GCN1: variants seen among roughly 807,000 people sequenced by gnomAD.
GCN1 encodes the protein GCN1 activator of EIF2AK4.
GCN1 carries 90 observed loss-of-function variants against 288.4 expected under a neutral mutation model. The ratio of observed to expected loss-of-function variants is 0.31; its 90% CI spans 0.26 to 0.37. The LOEUF is 0.37. GCN1 is among the 10% of genes least tolerant of loss of function. The pLI is 1.00. For synonymous variants in GCN1, 1,386 were observed against 1,420.2 expected (o/e 0.98, Z 0.54); for missense variants, 2,586 against 3,419.9 (o/e 0.76, Z 6.08).
At chr12:120,151,500 C>A in intron 33 of GCN1, 109 bp from the exon 34 acceptor site, 1 of 1,154,260 alleles carries the variant, frequency 8.7e-7, no homozygotes. Context: ...TCCCAAGCCC[C>A]ATCTCAGCCA....
rs571844726 is a variant in GCN1, at chr12:120,187,899, A to C, written c.121+2399T>G. On this transcript the variant is annotated intron_variant, in intron 2 of 57. Transcript: ENST00000300648. ...TACCAAAAGAAATGAAAAAAAAAAA[A>C]AACAAAAAACTAGAATTTATTGAGT... 2.3e-4 allele frequency among the ~76,000 whole-genome samples: 35 copies of C among 152,086 alleles called. 1 individual carries two copies. Among genetic ancestry groups the C allele is most frequent in the Admixed American group, 9.2e-4 (14 of 15,280 alleles).
chr12:120,139,321 T>TA (rs1213199626), intron 45 of GCN1, among the ~76,000 whole-genome samples: 1 of 151,234 alleles, frequency 6.6e-6, no homozygotes, highest in African/African-American at 2.4e-5. Context: ...CTAAAAATTT[T>TA]AAAAAAATTA....
intron 51 of GCN1, among the ~76,000 whole-genome samples, chr12:120,135,402 T>C (rs1876968241): frequency 6.6e-6 from 1 of 152,110 alleles, no homozygotes; most frequent in Admixed American, 6.5e-5. Flanking sequence ...TTCGCTCTTG[T>C]TGCCCAGGCT....
rs150702627 is a variant in GCN1 at position 120,136,848 on chromosome 12, G to C, written c.6778-116C>G. The C allele has an allele frequency of 4.7e-5, 34 of 719,816 alleles. No homozygotes were observed. The East Asian group carries it at 9.2e-4, about 20-fold the overall frequency. The allele number at this position is 719,816 out of a possible 1,614,324, so 44.6% of individuals were successfully genotyped here. A position where few individuals can be genotyped will look rare whatever the true frequency, so the allele number is the denominator to read the frequency against. ...TCCCCTCAACTCCATGGGAGATATT[G>C]ATTTGGGCTGAATCTCAGGATCACA... On this transcript the variant is annotated intron_variant, in intron 50 of 57. Transcript: ENST00000300648.
At chr12:120,141,116 G>T in intron 44 of GCN1, 93 bp from the exon 45 acceptor site, 1 of 1,032,126 alleles carries the variant, frequency 9.7e-7, no homozygotes, top group Non-Finnish European at 1.4e-6. Context: ...AAACCTCCCA[G>T]GCTTTATCTG....
At position 120,137,641 on chromosome 12, in the gene GCN1, G is replaced by A; in HGVS notation, c.6567C>T (p.His2189=). ...CSRSKADYTS[H]LRSLVSGLIR... ...TCAGGCCCGAGACCAGGCTCCGCAG[G>A]TGGCTGGTGTAGTCAGCCTTTGAGC... The change falls in exon 49 of 58, where the codon CAC becomes CAT. Residue 2189 remains histidine, a synonymous_variant. Transcript: ENST00000300648. The surrounding 1 kb of genome is among the most constrained non-coding windows in gnomAD (Gnocchi z 5.2). 2 of 1,614,200 alleles carry A rather than the reference G, an allele frequency of 1.2e-6. No homozygotes were observed. Among genetic ancestry groups the A allele is most frequent in the Non-Finnish European group, 1.7e-6 (2 of 1,180,022 alleles).
intron 2 of GCN1, among the ~76,000 whole-genome samples, chr12:120,188,678 T>G (rs547124244): frequency 8.5e-4 from 129 of 151,954 alleles, no homozygotes; most frequent in Non-Finnish European, 1.3e-3. Flanking sequence ...TGAAACCCTG[T>G]CTCTACTAAA....
chr12:120,163,893 TAGG>T (rs908208045), intron 18 of GCN1, among the ~76,000 whole-genome samples: 3 of 152,088 alleles, frequency 2.0e-5, no homozygotes, highest in African/African-American at 7.2e-5. Context: ...GAAGCCGAGG[TAGG>T]AGGATCACTT....
chr12:120,129,088 C>G lies in GCN1; in HGVS notation c.7890+188G>C, dbSNP rs200142857. ...TGGTGATCTGCCCGCCTCAGCCTCCCAAAGTGCTGGGATTACAGGCGCGAG... is the reference window on the plus strand; with the variant it reads ...TGGTGATCTGCCCGCCTCAGCCTCCGAAAGTGCTGGGATTACAGGCGCGAG... On this transcript the variant is annotated intron_variant, in intron 57 of 57. Coordinates refer to ENST00000300648, the MANE Select transcript of GCN1 (RefSeq NM_006836.2). Among the ~76,000 whole-genome samples the G allele has an allele frequency of 4.1e-4, 63 of 151,862 alleles. No homozygotes were observed. The East Asian group carries it at 0.011, about 28-fold the overall frequency.
intron 33 of GCN1, among the ~76,000 whole-genome samples, chr12:120,152,658 CAA>C (rs1877603757): frequency 1.5e-5 from 2 of 136,354 alleles, no homozygotes; most frequent in African/African-American, 5.5e-5. Flanking sequence ...CACACACACA[CAA>C]AATATATATA....
Position 120,156,369 on chromosome 12 carries a change from G to T in GCN1, c.3312+92C>A. ...CTTTGCCTCTAGGCCTCCCACCAGA[G>T]TGAGGGACATTCTCTCAAATGCCCA... On this transcript the variant is annotated intron_variant, in intron 28 of 57. Transcript: ENST00000300648. The surrounding 1 kb of genome is among the most constrained non-coding windows in gnomAD (Gnocchi z 5.8). 7.8e-7 allele frequency: 1 copy of T among 1,274,620 alleles called. No individual in the cohort carries two copies. Among genetic ancestry groups the T allele is most frequent in the Non-Finnish European group, 1.1e-6 (1 of 895,552 alleles). The allele number at this position is 1,274,620 out of a possible 1,614,324, so 79.0% of individuals were successfully genotyped here.
chr12:120,128,068 G>GTGTCTCTAGTTCTGGGGTT, intron 57 of GCN1, 94 bp from the exon 58 acceptor site: 1 of 1,387,908 alleles, frequency 7.2e-7, no homozygotes, highest in Non-Finnish European at 1.0e-6. Context: ...GTTAACCCCA[G>GTGTCTCTAGTTCTGGGGTT]AACTAGAGAC....
chr12:120,132,151 A>C, intron 53 of GCN1, 129 bp from the exon 54 acceptor site: 3 of 658,988 alleles, frequency 4.6e-6, no homozygotes, highest in Non-Finnish European at 5.6e-6. Context: ...TCAGAGACTC[A>C]AGATCCAGTC....
In GCN1 at chr12:120,127,894, G is replaced by C; in HGVS notation, c.7971C>G (p.Ser2657Arg). 1.2e-6 allele frequency: 2 copies of C among 1,614,176 alleles called. No individual in the cohort carries two copies. The highest frequency in any genetic ancestry group is 1.7e-6 in the Non-Finnish European group (2 of 1,179,976). Residue 2657 changes from serine (S) to arginine (R), a missense_variant, in exon 58 of 58, where the codon AGC becomes AGG. Coordinates refer to ENST00000300648, the MANE Select transcript of GCN1 (RefSeq NM_006836.2). ...CCACCTGCTCCGTGGAGTCGGCCTG[G>C]CTGGCCAGCTTCTTCAGGGACCTTC... ...VNRRSLKKLA[S>R]QADSTEQVDD...
In GCN1 at chr12:120,142,357, A is replaced by C. The variant is rs1340805862; in HGVS notation, c.5829+150T>G. 1.6e-6 allele frequency: 1 copy of C among 606,204 alleles called. No individual in the cohort carries two copies. The highest frequency in any genetic ancestry group is 1.9e-5 in the African/African-American group (1 of 54,018). 37.6% of individuals were successfully genotyped at this position (606,204 alleles called of 1,614,324 possible). ...ATAAATAAAATAAAATTAATCAAAA[A>C]ATATTTGCAGAATGACTAAGTAAAG... On this transcript the variant is annotated intron_variant, in intron 44 of 57. Transcript: ENST00000300648. This position sits in a 1 kb window ranked among gnomAD's most constrained non-coding sequence, Gnocchi z 4.9.
At position 120,131,941 on chromosome 12, in the gene GCN1, G is replaced by A. The variant is rs1262681110; in HGVS notation, c.7399C>T (p.Gln2467Ter). The change falls in exon 54 of 58, where the codon CAG (glutamine) becomes TAG (stop). Residue 2467 changes from glutamine to a stop codon, truncating the protein, a stop_gained. Coordinates refer to ENST00000300648, the MANE Select transcript of GCN1 (RefSeq NM_006836.2). LOFTEE classifies it high-confidence loss of function. The stretch of plus-strand genomic sequence containing the variant: ...GTGTACTTACCCAGCAAGCACTGCT[G>A]TAGAACGGCACTAAGCTCCTCTTCA... The part of the protein sequence containing the change: ...LTEEELSAVL[Q>*]QCLLADVSGI... The A allele has an allele frequency of 1.2e-6, 2 of 1,602,670 alleles. No homozygotes were observed. The highest frequency in any genetic ancestry group is 1.7e-5 in the Admixed American group (1 of 58,858).
chr12:120,176,319 T>C (rs1471405287), intron 9 of GCN1, 102 bp from the exon 10 acceptor site: 1 of 750,108 alleles, frequency 1.3e-6, no homozygotes, highest in African/African-American at 1.7e-5. Context: ...GCCTGCTGTC[T>C]GGCCCTTCAT....
Position 120,144,453 on chromosome 12 carries a change from G to A in GCN1, c.5353-5C>T, listed in dbSNP as rs949313616. 1 of 1,610,980 alleles carries A rather than the reference G, an allele frequency of 6.2e-7. No homozygotes were observed. Among genetic ancestry groups the A allele is most frequent in the African/African-American group, 1.3e-5 (1 of 74,856 alleles). On this transcript the variant is annotated splice_region_variant and splice_polypyrimidine_tract_variant and intron_variant, in intron 41 of 57. Transcript: ENST00000300648. The surrounding 1 kb of genome is among the most constrained non-coding windows in gnomAD (Gnocchi z 4.7). ...CTCATTCTCATCAGCAAGAGCCTGG[G>A]CACACAGAGGGTGGGTCAGCCAGAG...
At chr12:120,146,994 G>T in intron 38 of GCN1, 58 bp downstream of exon 38, 2 of 1,051,258 alleles carry the variant, frequency 1.9e-6, no homozygotes, top group Non-Finnish European at 2.7e-6. Flanking sequence ...CTGCACCTCT[G>T]ACTCTGCACT....
Sources: gnomAD v4.1 joint callset for allele counts (sites outside exome capture counted in the v4.1 genomes callset) on GRCh38, gnomAD v4.1.1 for gene constraint, Gnocchi (gnomAD v3.1) non-coding constraint, MANE v1.5 for transcripts, NCBI Gene and HGNC (gene_info 2026-07-23, HGNC 2026-07-21) for gene names.